ARHGAP26: variants seen among roughly 807,000 people sequenced by gnomAD.
The protein encoded by ARHGAP26 is rho GTPase-activating protein 26.
ARHGAP26 carries 38 observed loss-of-function variants against 104.8 expected under a neutral mutation model. That is an observed-to-expected ratio of 0.36 (90% CI 0.28 to 0.48). The LOEUF (loss-of-function observed/expected upper bound fraction) is 0.48. Ranked by LOEUF, ARHGAP26 falls within the 20% of genes least tolerant of loss-of-function variation. The probability of loss-of-function intolerance (pLI) is 0.99; values close to 1 mark genes in which losing one functional copy is unlikely to be tolerated. For missense variants in ARHGAP26, 704 were observed against 947.9 expected (o/e 0.74, Z 3.38); for synonymous variants, 341 against 340.0 (o/e 1.00, Z -0.03).
chr5:142,797,054 G>A (rs140649805), intron 1 of ARHGAP26, among the ~76,000 whole-genome samples: 40 of 152,358 alleles, frequency 2.6e-4, no homozygotes, highest in African/African-American at 8.9e-4. Flanking sequence ...GAAGGTTTAG[G>A]TGACACAGTG....
At chr5:142,795,616 A>G (rs1269519423) in intron 1 of ARHGAP26, among the ~76,000 whole-genome samples, 1 of 152,230 alleles carries the variant, frequency 6.6e-6, no homozygotes, top group Non-Finnish European at 1.5e-5. Context: ...TTTTGCTTCC[A>G]GCCCCAAATT....
chr5:142,810,495 T>C (rs1321339316), intron 1 of ARHGAP26, among the ~76,000 whole-genome samples: 2 of 152,182 alleles, frequency 1.3e-5, no homozygotes, highest in African/African-American at 4.8e-5. Flanking sequence ...CCCCATCTCT[T>C]TCTTTTTTGT....
At chr5:143,063,680 A>G (rs764305402) in intron 17 of ARHGAP26, among the ~76,000 whole-genome samples, 3 of 151,752 alleles carry the variant, frequency 2.0e-5, no homozygotes, top group Non-Finnish European at 2.9e-5. Flanking sequence ...CCATCCTTTT[A>G]CCTTTTGCAA....
chr5:143,053,670 T>C (rs1785355008), intron 14 of ARHGAP26, among the ~76,000 whole-genome samples: 1 of 152,202 alleles, frequency 6.6e-6, no homozygotes, highest in African/African-American at 2.4e-5. Flanking sequence ...ACAAAAGAAA[T>C]TGTCAGAGCT....
intron 17 of ARHGAP26, among the ~76,000 whole-genome samples, chr5:143,114,390 T>C (rs1050456818): frequency 6.6e-6 from 1 of 152,180 alleles, no homozygotes; most frequent in Admixed American, 6.5e-5. Context: ...GAGTCTGACT[T>C]GGTAGAAAAC....
rs753638895 is a variant in ARHGAP26 at position 143,134,045 on chromosome 5, C to T, written c.1777C>T (p.Pro593Ser). 29 of 1,613,060 alleles carry T rather than the reference C, an allele frequency of 1.8e-5. No individual in the cohort carries two copies. In the South Asian group the frequency reaches 3.1e-4, roughly 17 times the overall value. The change falls in exon 19 of 23, where the codon CCC (proline) becomes TCC (serine). Residue 593 changes from proline to serine, a missense_variant. Transcript: ENST00000645722. ...TCGGAAGAAGAGCAGTGACTCCAAG[C>T]CCCCGTCCTGCAGCGAGAGGCCCCT... ...LSRKKSSDSK[P>S]PSCSERPLTL...
intron 11 of ARHGAP26, among the ~76,000 whole-genome samples, chr5:142,978,715 TC>T (rs1184119211): frequency 2.6e-5 from 4 of 151,422 alleles, no homozygotes; most frequent in African/African-American, 9.7e-5. Flanking sequence ...ATTATCTTAA[TC>T]CTGGAGCTTT....
intron 17 of ARHGAP26, among the ~76,000 whole-genome samples, chr5:143,119,888 T>C (rs940102504): frequency 6.8e-6 from 1 of 147,654 alleles, no homozygotes; most frequent in Non-Finnish European, 1.5e-5. Context: ...TCTCTTTTCT[T>C]CCTTAAAAAA....
rs571503554 is a variant in ARHGAP26, at chr5:142,988,285, T to C, written c.1108-25795T>C. 2.7e-3 allele frequency among the ~76,000 whole-genome samples: 411 copies of C among 152,344 alleles called. 1 individual carries two copies. Among genetic ancestry groups the C allele is most frequent in the African/African-American group, 9.6e-3 (399 of 41,568 alleles). On this transcript the variant is annotated intron_variant, in intron 11 of 22. Transcript: ENST00000645722. ...TTTCTAGTTTATTTGCATAGAGGTG[T>C]TTATAGTATTCTCTGATGGTAGTTT... is the stretch of plus-strand genomic sequence containing the variant.
intron 12 of ARHGAP26, among the ~76,000 whole-genome samples, chr5:143,020,978 A>G (rs1443576338): frequency 1.3e-5 from 2 of 152,194 alleles, no homozygotes; most frequent in Admixed American, 6.6e-5. Context: ...ATATTTGAAT[A>G]AAAATGCTGA....
At chr5:143,050,881 C>T (rs994554567) in intron 14 of ARHGAP26, among the ~76,000 whole-genome samples, 5 of 152,166 alleles carry the variant, frequency 3.3e-5, no homozygotes, top group African/African-American at 1.2e-4. Flanking sequence ...TGGAAGCTCA[C>T]CTCCTCTGCT....
chr5:143,194,776 GT>G (rs1006371990), intron 20 of ARHGAP26, among the ~76,000 whole-genome samples: 3 of 152,174 alleles, frequency 2.0e-5, no homozygotes, highest in Non-Finnish European at 4.4e-5. Context: ...ATCATTTAAA[GT>G]TTTTTCCAGT....
intron 17 of ARHGAP26, among the ~76,000 whole-genome samples, chr5:143,081,778 C>T (rs977943972): frequency 4.6e-5 from 7 of 152,284 alleles, no homozygotes; most frequent in African/African-American, 1.7e-4. Flanking sequence ...CTCTGGGAGG[C>T]CGAGGCCGGC....
chr5:142,807,116 A>G (rs1407734533), intron 1 of ARHGAP26, among the ~76,000 whole-genome samples: 1 of 152,264 alleles, frequency 6.6e-6, no homozygotes, highest in African/African-American at 2.4e-5. Flanking sequence ...AATGGTTGAA[A>G]TTAATCACAG....
intron 6 of ARHGAP26, among the ~76,000 whole-genome samples, chr5:142,900,479 A>T (rs1760150980): frequency 6.6e-6 from 1 of 152,064 alleles, no homozygotes; most frequent in African/African-American, 2.4e-5. Flanking sequence ...ATATTGTCAT[A>T]ATCTGGGTTT....
At chr5:143,091,005 TTTGAGGCAAAA>T (rs1303900899) in intron 17 of ARHGAP26, among the ~76,000 whole-genome samples, 1 of 152,184 alleles carries the variant, frequency 6.6e-6, no homozygotes, top group African/African-American at 2.4e-5. Flanking sequence ...AATGCAATAG[TTTGAGGCAAAA>T]TTGACTTGGT....
chr5:142,993,065 T>C (rs1775858618), intron 11 of ARHGAP26, among the ~76,000 whole-genome samples: 1 of 151,834 alleles, frequency 6.6e-6, no homozygotes, highest in African/African-American at 2.4e-5. Flanking sequence ...CACTGCAACC[T>C]CCACCTCCCA....
chr5:142,871,325 C>A lies in ARHGAP26; in HGVS notation c.155-2075C>A, dbSNP rs463717. On this transcript the variant is annotated intron_variant, in intron 1 of 22. Transcript: ENST00000645722. The surrounding 1 kb of genome is among the most constrained non-coding windows in gnomAD (Gnocchi z 4.1). Reference sequence around the variant, plus strand: ...CATGACCAGCCACTCCCTGATCCTCCTGGCAGCTGCCCTTGGCAGTGCGGC... The same window carrying A: ...CATGACCAGCCACTCCCTGATCCTCATGGCAGCTGCCCTTGGCAGTGCGGC... 0.5 allele frequency among the ~76,000 whole-genome samples: 76,022 copies of A among 152,106 alleles called. 22,998 individuals are homozygous for A. The highest frequency in any genetic ancestry group is 0.91 in the East Asian group (4,689 of 5,178).
At chr5:142,954,803 G>C (rs1768950748) in intron 11 of ARHGAP26, among the ~76,000 whole-genome samples, 1 of 152,202 alleles carries the variant, frequency 6.6e-6, no homozygotes, top group East Asian at 1.9e-4. Context: ...AGACACTGCA[G>C]TATCTGTCTA....
Sources: gnomAD v4.1 joint callset for allele counts (sites outside exome capture counted in the v4.1 genomes callset) on GRCh38, gnomAD v4.1.1 for gene constraint, Gnocchi (gnomAD v3.1) non-coding constraint, MANE v1.5 for transcripts, NCBI Gene and HGNC (gene_info 2026-07-23, HGNC 2026-07-21) for gene names.